Variants in PTPRB observed in about 807,000 individuals in gnomAD.
PTPRB encodes protein tyrosine phosphatase receptor type B.
Under a neutral mutation model 238.1 loss-of-function variants are expected in PTPRB, and 97 were observed. That is an observed-to-expected ratio of 0.41 (90% CI 0.35 to 0.48). PTPRB has a LOEUF of 0.48. Ranked by LOEUF, PTPRB falls within the 20% of genes least tolerant of loss-of-function variation. PTPRB has a pLI of 0.30. For missense variants in PTPRB, 2,292 were observed against 2,681.9 expected (o/e 0.85, Z 3.21); for synonymous variants, 970 against 995.4 (o/e 0.97, Z 0.48).
intron 4 of PTPRB, among the ~76,000 whole-genome samples, chr12:70,602,507 T>C (rs528623906): frequency 6.6e-6 from 1 of 152,366 alleles, no homozygotes; most frequent in South Asian, 2.1e-4. Context: ...TCACTTGATA[T>C]GTACTTCTAA....
At position 70,571,185 on chromosome 12, in the gene PTPRB, G is replaced by C; in HGVS notation, c.3211C>G (p.Leu1071Val). The C allele has an allele frequency of 6.2e-7, 1 of 1,613,992 alleles. No homozygotes were observed. The highest frequency in any genetic ancestry group is 8.5e-7 in the Non-Finnish European group (1 of 1,179,896). ...AATACTTTCATGTCATTGAAGAGCAGCTGGATCTCATATTGGTCGACATCC... is the reference window on the plus strand; with the variant it reads ...AATACTTTCATGTCATTGAAGAGCACCTGGATCTCATATTGGTCGACATCC... ...NGDVDQYEIQ[L>V]LFNDMKVFPP... Residue 1071 changes from leucine to valine, a missense_variant, in exon 13 of 34, where the codon CTG becomes GTG. Physicochemically the swap from Leu to Val is conservative, Grantham distance 32 (BLOSUM62 1). This residue lies in a region of PTPRB where 1,205 missense variants were observed against 1,287.8 expected (regional missense o/e 0.94). Coordinates refer to ENST00000334414, the MANE Select transcript of PTPRB (RefSeq NM_001109754.4).
Position 70,622,393 on chromosome 12 carries a change from T to C in PTPRB, c.705A>G (p.Glu235=). ...STTQPFSSTT[E]ETGLAEPERC... ...TCCACACACCCCCTCCTTTTACCTCTTCAGTGGTGCTGGAGAAGGGCTGAG... is the reference window on the plus strand; with the variant it reads ...TCCACACACCCCCTCCTTTTACCTCCTCAGTGGTGCTGGAGAAGGGCTGAG... The change falls in exon 3 of 34, where the codon GAA becomes GAG. Residue 235 remains glutamate, a synonymous_variant. Coordinates refer to ENST00000334414, the MANE Select transcript of PTPRB (RefSeq NM_001109754.4). 6.2e-7 allele frequency: 1 copy of C among 1,611,722 alleles called. No individual in the cohort carries two copies. Among genetic ancestry groups the C allele is most frequent in the Non-Finnish European group, 8.5e-7 (1 of 1,179,506 alleles).
Position 70,584,166 on chromosome 12 carries a change from T to C in PTPRB, c.2311+2841A>G, listed in dbSNP as rs185666337. ...ACAGTGGGTAGATTTTAAAATAGAT[T>C]AGACAAAGCTGAAGAAAGAATTAAT... On this transcript the variant is annotated intron_variant, in intron 9 of 33. Transcript: ENST00000334414. Among the ~76,000 whole-genome samples the C allele has an allele frequency of 1.7e-3, 259 of 152,232 alleles. 2 individuals carry two copies. The highest frequency in any genetic ancestry group is 1.4e-3 in the Non-Finnish European group (92 of 67,976).
chr12:70,611,184 G>C (rs1389116046), intron 3 of PTPRB, among the ~76,000 whole-genome samples: 1 of 151,964 alleles, frequency 6.6e-6, no homozygotes, highest in Non-Finnish European at 1.5e-5. Flanking sequence ...TTTCAAATAG[G>C]CTATACATAA....
intron 10 of PTPRB, among the ~76,000 whole-genome samples, chr12:70,579,951 G>C (rs1033978480): frequency 1.3e-5 from 2 of 152,004 alleles, no homozygotes. Context: ...GGATGCAGAA[G>C]GAGAAGCCTG....
At chr12:70,529,415 A>G (rs1872846756) in intron 32 of PTPRB, among the ~76,000 whole-genome samples, 1 of 152,182 alleles carries the variant, frequency 6.6e-6, no homozygotes, top group Non-Finnish European at 1.5e-5. Flanking sequence ...TTACAATACG[A>G]TAACCTCCTC....
At chr12:70,535,347 C>T (rs1479703046) in intron 29 of PTPRB, among the ~76,000 whole-genome samples, 1 of 149,570 alleles carries the variant, frequency 6.7e-6, no homozygotes, top group Non-Finnish European at 1.5e-5. Context: ...GAGGAAGGCA[C>T]TGTCTTCCTG....
At chr12:70,537,763 G>A (rs554016905) in intron 28 of PTPRB, among the ~76,000 whole-genome samples, 1 of 152,246 alleles carries the variant, frequency 6.6e-6, no homozygotes, top group African/African-American at 2.4e-5. Context: ...CAAAACCAGA[G>A]CCCAAAGATT....
At chr12:70,556,192 A>AT (rs1207251244) in intron 18 of PTPRB, 44 bp from the exon 19 acceptor site, 7 of 1,497,116 alleles carry the variant, frequency 4.7e-6, no homozygotes, top group Non-Finnish European at 5.4e-6. Context: ...ACTCAGGGAG[A>AT]ATTTTTTTTT....
intron 4 of PTPRB, among the ~76,000 whole-genome samples, chr12:70,599,320 C>T (rs1219262581): frequency 6.6e-6 from 1 of 151,898 alleles, no homozygotes; most frequent in Non-Finnish European, 1.5e-5. Context: ...TATGACAGAT[C>T]GTACATAATT....
chr12:70,538,377 A>T, intron 27 of PTPRB, 146 bp from the exon 28 acceptor site: 1 of 632,224 alleles, frequency 1.6e-6, no homozygotes, highest in Non-Finnish European at 2.7e-6. Flanking sequence ...CTCAGGCAGG[A>T]TAACTAACTT....
chr12:70,565,235 T>C (rs911496838), intron 15 of PTPRB, among the ~76,000 whole-genome samples: 1 of 152,210 alleles, frequency 6.6e-6, no homozygotes, highest in Admixed American at 6.5e-5. Flanking sequence ...AAACAATTAC[T>C]CTCTGGCTAA....
intron 20 of PTPRB, among the ~76,000 whole-genome samples, chr12:70,553,508 T>C (rs956816513): frequency 1.3e-5 from 2 of 152,204 alleles, no homozygotes; most frequent in Admixed American, 6.5e-5. Flanking sequence ...AGTTTGATTA[T>C]TGCTCTGCAT....
chr12:70,610,038 A>C (rs1326536888), intron 3 of PTPRB, among the ~76,000 whole-genome samples: 1 of 151,964 alleles, frequency 6.6e-6, no homozygotes, highest in Non-Finnish European at 1.5e-5. Context: ...GGGGACAGGC[A>C]GCGCGCCGCC....
chr12:70,621,295 C>T (rs925248892), intron 3 of PTPRB, among the ~76,000 whole-genome samples: 1 of 152,112 alleles, frequency 6.6e-6, no homozygotes, highest in African/African-American at 2.4e-5. Flanking sequence ...TAAGCCCAAA[C>T]TGGGTGGGGT....
intron 2 of PTPRB, 33 bp from the exon 3 acceptor site, chr12:70,622,679 T>A (rs1244396070): frequency 6.6e-7 from 1 of 1,510,714 alleles, no homozygotes; most frequent in Non-Finnish European, 8.9e-7. Context: ...GCAAAGATTA[T>A]TCTCATGTTT....
At chr12:70,620,353 G>C (rs1466834359) in intron 3 of PTPRB, among the ~76,000 whole-genome samples, 2 of 152,224 alleles carry the variant, frequency 1.3e-5, no homozygotes, top group Non-Finnish European at 2.9e-5. Flanking sequence ...GACTGCAGCA[G>C]AGCCTAGCTA....
chr12:70,553,367 T>C (rs1877189830), intron 20 of PTPRB, among the ~76,000 whole-genome samples: 1 of 152,150 alleles, frequency 6.6e-6, no homozygotes, highest in Non-Finnish European at 1.5e-5. Context: ...TGATAAACTA[T>C]CTTGCCAATA....
intron 2 of PTPRB, among the ~76,000 whole-genome samples, chr12:70,633,855 T>C (rs1042914842): frequency 1.3e-5 from 2 of 152,114 alleles, no homozygotes; most frequent in African/African-American, 4.8e-5. Flanking sequence ...AAGTTCCAAC[T>C]AAGTAATCTT....
Sources: gnomAD v4.1 joint callset for allele counts (sites outside exome capture counted in the v4.1 genomes callset) on GRCh38, gnomAD v4.1.1 for gene constraint, gnomAD v4.1.1 regional missense constraint, MANE v1.5 for transcripts, NCBI Gene and HGNC (gene_info 2026-07-23, HGNC 2026-07-21) for gene names.